DOCK4: variants seen among roughly 807,000 people sequenced by gnomAD.
DOCK4 encodes dedicator of cytokinesis 4, also known as dedicator of cytokinesis protein 4.
A neutral mutation model predicts 268.1 loss-of-function variants in DOCK4; 97 were observed. The observed-to-expected ratio is 0.36, with a 90% CI of 0.31 to 0.43. The LOEUF is 0.43. Among genes scored for constraint, DOCK4 ranks in the 20% least tolerant of loss-of-function variants. The pLI is 1.00. For synonymous variants in DOCK4, 954 were observed against 887.2 expected (o/e 1.08, Z -1.34); for missense variants, 2,145 against 2,455.7 (o/e 0.87, Z 2.67).
At chr7:111,984,262 GAA>G in intron 7 of DOCK4, 42 bp downstream of exon 7, 2 of 1,554,226 alleles carry the variant, frequency 1.3e-6, no homozygotes, top group Non-Finnish European at 1.8e-6. Context: ...ATGGAAACCA[GAA>G]AATTAGCAGG....
intron 1 of DOCK4, among the ~76,000 whole-genome samples, chr7:112,099,631 A>G (rs1810495598): frequency 6.6e-6 from 1 of 152,260 alleles, no homozygotes; most frequent in African/African-American, 2.4e-5. Context: ...GAATTCATGA[A>G]TAAACATTTT....
chr7:111,982,311 A>G (rs1407483194), intron 7 of DOCK4, among the ~76,000 whole-genome samples: 1 of 152,224 alleles, frequency 6.6e-6, no homozygotes, highest in East Asian at 1.9e-4. Context: ...AAACTTGCAT[A>G]CTTTAAGAAA....
chr7:112,167,704 A>C (rs924222890), intron 1 of DOCK4, among the ~76,000 whole-genome samples: 1 of 152,166 alleles, frequency 6.6e-6, no homozygotes, highest in Non-Finnish European at 1.5e-5. Flanking sequence ...CTTAATTGCT[A>C]ATTCAAGCCA....
intron 13 of DOCK4, 83 bp downstream of exon 13, chr7:111,915,696 T>C (rs1366997190): frequency 6.8e-7 from 1 of 1,476,828 alleles, no homozygotes; most frequent in Admixed American, 2.2e-5. Flanking sequence ...GCTTCAAAGC[T>C]GGCAATTTGA....
intron 27 of DOCK4, among the ~76,000 whole-genome samples, chr7:111,816,735 T>C (rs994881613): frequency 6.6e-6 from 1 of 152,218 alleles, no homozygotes; most frequent in African/African-American, 2.4e-5. Flanking sequence ...ATGAGTACAT[T>C]TGAGTCTATG....
chr7:111,996,426 T>C (rs192488933), intron 4 of DOCK4, among the ~76,000 whole-genome samples: 1 of 152,354 alleles, frequency 6.6e-6, no homozygotes, highest in East Asian at 1.9e-4. Flanking sequence ...TAGGATGGAC[T>C]TTTCCATTAT....
chr7:111,762,729 A>C (rs1347512450), intron 39 of DOCK4, among the ~76,000 whole-genome samples: 2 of 130,766 alleles, frequency 1.5e-5, no homozygotes, highest in Admixed American at 1.6e-4. Context: ...TTCTGCGTTA[A>C]TATTCTTTAA....
At chr7:112,105,624 TTTC>T (rs1394766712) in intron 1 of DOCK4, among the ~76,000 whole-genome samples, 5 of 151,490 alleles carry the variant, frequency 3.3e-5, no homozygotes, top group African/African-American at 1.2e-4. Flanking sequence ...CTTTTTCCTC[TTTC>T]TTCTTTTTCT....
At chr7:111,920,882 A>G (rs904049085) in intron 12 of DOCK4, among the ~76,000 whole-genome samples, 2 of 152,122 alleles carry the variant, frequency 1.3e-5, no homozygotes, top group Non-Finnish European at 2.9e-5. Context: ...AAGAATTGGA[A>G]AGCTTAGGAA....
chr7:112,093,215 A>C (rs1246156116), intron 1 of DOCK4, among the ~76,000 whole-genome samples: 1 of 152,138 alleles, frequency 6.6e-6, no homozygotes, highest in Non-Finnish European at 1.5e-5. Flanking sequence ...CCTGATCACA[A>C]ATAAACATGA....
chr7:111,901,872 A>T, intron 13 of DOCK4, 71 bp from the exon 14 acceptor site: 1 of 1,217,926 alleles, frequency 8.2e-7, no homozygotes, highest in Non-Finnish European at 1.2e-6. Flanking sequence ...TCTATCAAGA[A>T]AAACTTTAGT....
intron 26 of DOCK4, among the ~76,000 whole-genome samples, chr7:111,833,320 T>C (rs1162520023): frequency 6.6e-6 from 1 of 151,984 alleles, no homozygotes; most frequent in East Asian, 1.9e-4. Flanking sequence ...GATGGGAGGA[T>C]TTCTTTAGGC....
intron 23 of DOCK4, among the ~76,000 whole-genome samples, chr7:111,847,434 C>G (rs996637790): frequency 6.6e-6 from 1 of 151,768 alleles, no homozygotes; most frequent in East Asian, 1.9e-4. Flanking sequence ...TAAGATAGAT[C>G]GCCTACTGAC....
At chr7:111,730,548 CAA>C (rs1795011618) in intron 52 of DOCK4, among the ~76,000 whole-genome samples, 1 of 152,082 alleles carries the variant, frequency 6.6e-6, no homozygotes, top group East Asian at 1.9e-4. Context: ...CTACCTCTGT[CAA>C]AAGTTAGACC....
intron 1 of DOCK4, among the ~76,000 whole-genome samples, chr7:112,107,902 T>A (rs1811273504): frequency 6.6e-6 from 1 of 152,208 alleles, no homozygotes; most frequent in African/African-American, 2.4e-5. Context: ...AGCCAAGGGC[T>A]GGAAATGTCA....
intron 17 of DOCK4, among the ~76,000 whole-genome samples, chr7:111,875,810 T>C (rs1040686015): frequency 6.6e-6 from 1 of 152,198 alleles, no homozygotes; most frequent in African/African-American, 2.4e-5. Context: ...ATTTTGTATA[T>C]TTGACCTCCA....
intron 27 of DOCK4, among the ~76,000 whole-genome samples, chr7:111,816,891 C>G (rs1156636642): frequency 6.6e-6 from 1 of 152,178 alleles, no homozygotes; most frequent in Non-Finnish European, 1.5e-5. Flanking sequence ...GGCACAGAAT[C>G]AGCTAAAGCA....
intron 26 of DOCK4, among the ~76,000 whole-genome samples, chr7:111,830,869 A>G (rs1802765433): frequency 6.6e-6 from 1 of 151,804 alleles, no homozygotes; most frequent in South Asian, 2.1e-4. Context: ...CATCAGGTTC[A>G]CCAACAATAT....
At position 111,732,294 on chromosome 7, in the gene DOCK4, A is replaced by G. The variant is rs1032002253; in HGVS notation, c.5420-7T>C. 6.8e-6 allele frequency: 11 copies of G among 1,613,816 alleles called. No individual in the cohort carries two copies. The highest frequency in any genetic ancestry group is 5.0e-5 in the Admixed American group (3 of 59,994). Reference sequence around the variant, plus strand: ...GTGTGTCTTGCTGGTGAAGCTGTCAATGGGGAGAGAGATAACATTTCAATT... The same window carrying G: ...GTGTGTCTTGCTGGTGAAGCTGTCAGTGGGGAGAGAGATAACATTTCAATT... On this transcript the variant is annotated splice_region_variant and splice_polypyrimidine_tract_variant and intron_variant, in intron 51 of 52. Transcript: ENST00000428084.
Sources: gnomAD v4.1 joint callset for allele counts (sites outside exome capture counted in the v4.1 genomes callset) on GRCh38, gnomAD v4.1.1 for gene constraint, MANE v1.5 for transcripts, NCBI Gene and HGNC (gene_info 2026-07-23, HGNC 2026-07-21) for gene names.